The following ZNF730 variants were observed in gnomAD, a reference collection of about 807,000 sequenced individuals.
The protein encoded by ZNF730 is zinc finger protein 730.
A neutral mutation model predicts 12.6 loss-of-function variants in ZNF730; 12 were observed. The ratio of observed to expected loss-of-function variants is 0.95; its 90% confidence interval spans 0.61 to 1.54. The LOEUF is 1.54. Among genes scored for constraint, ZNF730 ranks in the 40% most tolerant of loss-of-function variants. ZNF730 has a pLI of 0.00. For missense variants in ZNF730, 643 were observed against 583.5 expected, an observed-to-expected ratio of 1.10 and a Z score of -1.05; for synonymous variants, 194 against 195.8, an observed-to-expected ratio of 0.99 and a Z score of 0.08.
At chr19:23,111,592 A>G (rs1228076958) in intron 1 of ZNF730, among the ~76,000 whole-genome samples, 1 of 151,992 alleles carries the variant, frequency 6.6e-6, no homozygotes, top group East Asian at 1.9e-4. Flanking sequence ...ACTAAAAATT[A>G]CAAAAAATTA....
chr19:23,117,033 T>G lies in ZNF730; in HGVS notation c.-141T>G, dbSNP rs1252250245. 6 of 1,468,406 alleles carry G rather than the reference T, an allele frequency of 4.1e-6. No homozygotes were observed. The highest frequency in any genetic ancestry group is 5.6e-6 in the Non-Finnish European group (6 of 1,076,564). 91.0% of individuals were successfully genotyped at this position (1,468,406 alleles called of 1,614,324 possible). A position where few individuals can be genotyped will look rare whatever the true frequency, so the allele number is the denominator to read the frequency against. ...TTCCGGGATTTGGCGCGGCCTTTGT[T>G]TCTCGCTGCCGCCGAAGCTCCAATT... On this transcript the variant is annotated 5_prime_UTR_variant, in exon 1 of 4. Transcript: ENST00000597761.
intron 1 of ZNF730, among the ~76,000 whole-genome samples, chr19:23,086,045 G>A (rs879560950): frequency 1.3e-5 from 2 of 151,692 alleles, no homozygotes; most frequent in Non-Finnish European, 2.9e-5. Context: ...GGGTTTCACC[G>A]TCGTGGCCAG....
chr19:23,102,055 C>T (rs1029823222), intron 1 of ZNF730, among the ~76,000 whole-genome samples: 3 of 152,182 alleles, frequency 2.0e-5, no homozygotes, highest in African/African-American at 7.2e-5. Context: ...AGGCTCCTCC[C>T]TGGGCCTTGT....
intron 3 of ZNF730, among the ~76,000 whole-genome samples, chr19:23,136,936 TG>T: frequency 6.6e-6 from 1 of 152,122 alleles, no homozygotes; most frequent in Non-Finnish European, 1.5e-5. Context: ...TTTGGGAGGC[TG>T]AGGCAGGTGG....
intron 1 of ZNF730, among the ~76,000 whole-genome samples, chr19:23,119,492 C>T (rs1970572170): frequency 6.6e-6 from 1 of 152,148 alleles, no homozygotes; most frequent in Non-Finnish European, 1.5e-5. Context: ...CCTGAAGTTT[C>T]CTTTTTTTGT....
intron 1 of ZNF730, among the ~76,000 whole-genome samples, chr19:23,132,219 T>C (rs1970752581): frequency 6.6e-6 from 1 of 152,206 alleles, no homozygotes; most frequent in Middle Eastern, 3.2e-3. Flanking sequence ...ATGTGGTGCT[T>C]ACATTGTTAA....
intron 1 of ZNF730, among the ~76,000 whole-genome samples, chr19:23,088,985 TC>T (rs1401853791): frequency 6.7e-6 from 1 of 150,022 alleles, no homozygotes; most frequent in East Asian, 2.0e-4. Context: ...TGATTCTTCT[TC>T]CTCAGCCTCT....
chr19:23,083,316 C>T (rs1053509296), intron 1 of ZNF730, among the ~76,000 whole-genome samples: 8 of 151,706 alleles, frequency 5.3e-5, no homozygotes, highest in South Asian at 2.1e-4. Flanking sequence ...CCCAGCTACT[C>T]GGGAGGCTGA....
intron 1 of ZNF730, chr19:23,128,043 G>A: frequency 1.3e-5 from 10 of 758,876 alleles, no homozygotes; most frequent in Admixed American, 5.1e-5. Flanking sequence ...AAGTGGAGGT[G>A]ACTGGCAATG....
At chr19:23,140,109 C>T (rs1326134124) in intron 3 of ZNF730, among the ~76,000 whole-genome samples, 13 of 151,486 alleles carry the variant, frequency 8.6e-5, no homozygotes, top group Admixed American at 7.9e-4. Context: ...AAATATGACC[C>T]CTACTTTGGT....
chr19:23,127,059 C>A, intron 1 of ZNF730: 1 of 523,922 alleles, frequency 1.9e-6, no homozygotes, highest in South Asian at 1.5e-5. Context: ...AGAACCAATT[C>A]TATTGTAATA....
intron 1 of ZNF730, among the ~76,000 whole-genome samples, chr19:23,108,289 G>A (rs1400952788): frequency 1.3e-5 from 2 of 152,112 alleles, no homozygotes; most frequent in Non-Finnish European, 2.9e-5. Context: ...TAATTAGGGT[G>A]TTGCAATTTG....
chr19:23,117,374 C>G (rs935918247), intron 1 of ZNF730, among the ~76,000 whole-genome samples, 198 bp downstream of exon 1: 2 of 152,170 alleles, frequency 1.3e-5, no homozygotes, highest in African/African-American at 4.8e-5. Context: ...CGTCCTGTCT[C>G]TTCCCTGCAC....
At chr19:23,143,697 G>T (rs568989869) in intron 3 of ZNF730, 2 of 152,288 alleles carry the variant, frequency 1.3e-5, no homozygotes, top group East Asian at 3.9e-4. Flanking sequence ...CAGATTTGCT[G>T]ATGGTGTTAC....
In ZNF730 at chr19:23,145,862, C is replaced by T. The variant is rs770279769; in HGVS notation, c.818C>T (p.Thr273Ile). ...TTTAACCAATCCACAAACCTTACTA[C>T]ACATAAAAGAATTCATACTGGAGAG... Reference protein sequence around the residue: ...KFFNQSTNLTTHKRIHTGEKP... With the variant: ...KFFNQSTNLTIHKRIHTGEKP... Residue 273 changes from threonine to isoleucine, a missense_variant, in exon 4 of 4, where the codon ACA becomes ATA. By Grantham distance (89) the Thr-to-Ile change is moderately conservative. Transcript: ENST00000597761. 2.5e-6 allele frequency: 4 copies of T among 1,607,446 alleles called. No individual in the cohort carries two copies. The highest frequency in any genetic ancestry group is 1.1e-5 in the South Asian group (1 of 90,338).
At chr19:23,115,148 A>C (rs1213903078), upstream of ZNF730, among the ~76,000 whole-genome samples, 2 of 152,162 alleles carry the variant, frequency 1.3e-5, no homozygotes, top group South Asian at 2.1e-4. Flanking sequence ...AAAAAAAAAA[A>C]AACTGTCTTC....
intron 1 of ZNF730, among the ~76,000 whole-genome samples, chr19:23,083,112 AT>A (rs1969993552): frequency 6.6e-6 from 1 of 151,290 alleles, no homozygotes; most frequent in Non-Finnish European, 1.5e-5. Flanking sequence ...TGAAATATGG[AT>A]TTTCTTTTTT....
At chr19:23,103,067 G>A (rs1391994345) in intron 1 of ZNF730, among the ~76,000 whole-genome samples, 1 of 152,174 alleles carries the variant, frequency 6.6e-6, no homozygotes, top group East Asian at 1.9e-4. Context: ...CCACTGGTAA[G>A]TCCTGAATCT....
upstream of ZNF730, among the ~76,000 whole-genome samples, chr19:23,116,573 CT>C (rs5827552): frequency 3.0e-3 from 262 of 86,908 alleles, no homozygotes; most frequent in Middle Eastern, 0.064. Flanking sequence ...CTCCCAGCTA[CT>C]TTTTTTTTTT....
Sources: allele counts gnomAD v4.1 joint callset (sites outside exome capture counted in the v4.1 genomes callset), GRCh38; gene constraint gnomAD v4.1.1; transcripts MANE v1.5; gene names NCBI Gene and HGNC (gene_info 2026-07-23, HGNC 2026-07-21).